Variants in AKAP19 observed in about 807,000 individuals in gnomAD.
AKAP19 encodes the protein small A-kinase anchoring protein.
At chr2:190,002,181 G>T in the AKAP19 span, among the ~76,000 whole-genome samples, 1 of 152,162 alleles carries the variant, frequency 6.6e-6, no homozygotes, top group East Asian at 1.9e-4. Flanking sequence ...ATATATAAAT[G>T]CTTCTTAGAC....
the AKAP19 span, among the ~76,000 whole-genome samples, chr2:190,148,953 CTTT>C: frequency 5.7e-4 from 77 of 134,008 alleles, no homozygotes; most frequent in African/African-American, 1.9e-3. Context: ...TCTTTTCTTT[CTTT>C]TTTTTTTTTT....
chr2:190,115,210 A>T, the AKAP19 span, among the ~76,000 whole-genome samples: 1 of 126,910 alleles, frequency 7.9e-6, no homozygotes, highest in Non-Finnish European at 1.6e-5. Context: ...AGAGAGACAG[A>T]GAGAGAAGGA....
At chr2:190,196,758 T>C in the AKAP19 span, among the ~76,000 whole-genome samples, 2 of 152,218 alleles carry the variant, frequency 1.3e-5, no homozygotes, top group African/African-American at 2.4e-5. Context: ...TTATTGGATA[T>C]AGCCATGCCC....
chr2:189,960,430 T>G, the AKAP19 span, among the ~76,000 whole-genome samples: 112 of 152,188 alleles, frequency 7.4e-4, 1 homozygote, highest in Non-Finnish European at 2.4e-4. Context: ...GCAAAGAGGA[T>G]GTAGTGAGCT....
chr2:189,977,680 C>T, the AKAP19 span, among the ~76,000 whole-genome samples: 1 of 152,230 alleles, frequency 6.6e-6, no homozygotes, highest in Non-Finnish European at 1.5e-5. Flanking sequence ...CAAGATGTAA[C>T]TGCTGGAGTG....
chr2:190,062,290 C>T, the AKAP19 span: 68 of 1,613,256 alleles, frequency 4.2e-5, no homozygotes, highest in African/African-American at 1.5e-4. Flanking sequence ...AAAGAGCCAT[C>T]GCTGCTGTCA....
chr2:190,079,859 GTGTGT>G, the AKAP19 span: 6 of 71,122 alleles, frequency 8.4e-5, no homozygotes, highest in African/African-American at 6.0e-4. Context: ...AATGAGGGGT[GTGTGT>G]GTGTGTGTGT....
At chr2:190,100,204 A>C in the AKAP19 span, among the ~76,000 whole-genome samples, 1 of 152,230 alleles carries the variant, frequency 6.6e-6, no homozygotes. Flanking sequence ...AAGAAGGTTT[A>C]TTAGTATCCC....
At chr2:190,135,860 A>G in the AKAP19 span, among the ~76,000 whole-genome samples, 1 of 152,214 alleles carries the variant, frequency 6.6e-6, no homozygotes, top group African/African-American at 2.4e-5. Context: ...GAAGATGCCA[A>G]TTTACTTGAA....
the AKAP19 span, among the ~76,000 whole-genome samples, chr2:189,995,208 G>A: frequency 6.6e-6 from 1 of 152,182 alleles, no homozygotes; most frequent in Non-Finnish European, 1.5e-5. Context: ...CCTGTCTAGT[G>A]CTGTCAGTGG....
chr2:190,039,195 C>T, the AKAP19 span, among the ~76,000 whole-genome samples: 1 of 152,022 alleles, frequency 6.6e-6, no homozygotes, highest in African/African-American at 2.4e-5. Context: ...TCTCCTGCCT[C>T]AGCCTCCTGA....
the AKAP19 span, among the ~76,000 whole-genome samples, chr2:190,163,455 C>CAAAAAAAAAA: frequency 7.3e-6 from 1 of 136,690 alleles, no homozygotes; most frequent in Non-Finnish European, 1.6e-5. Flanking sequence ...AAACAAAAAA[C>CAAAAAAAAAA]AAAAAAAAAA....
chr2:190,131,855 G>GTGA, the AKAP19 span, among the ~76,000 whole-genome samples: 4 of 152,156 alleles, frequency 2.6e-5, no homozygotes, highest in Non-Finnish European at 5.9e-5. Flanking sequence ...GAGGTGTTGA[G>GTGA]TGACTGTGAA....
At chr2:190,039,861 T>G in the AKAP19 span, among the ~76,000 whole-genome samples, 5 of 152,338 alleles carry the variant, frequency 3.3e-5, no homozygotes, top group African/African-American at 1.2e-4. Flanking sequence ...CTCGTTCTTT[T>G]TTATGGTCAC....
At chr2:190,187,798 G>A in the AKAP19 span, among the ~76,000 whole-genome samples, 1 of 152,188 alleles carries the variant, frequency 6.6e-6, no homozygotes, top group African/African-American at 2.4e-5. Flanking sequence ...AGGCTGCTGT[G>A]AGCCACAACT....
the AKAP19 span, among the ~76,000 whole-genome samples, chr2:190,001,769 C>G: frequency 6.6e-5 from 10 of 152,124 alleles, no homozygotes; most frequent in African/African-American, 1.9e-4. Flanking sequence ...TCCACAGGAC[C>G]CTTTTAGTCT....
At chr2:189,902,098 TAATA>T in the AKAP19 span, among the ~76,000 whole-genome samples, 38 of 152,182 alleles carry the variant, frequency 2.5e-4, no homozygotes, top group African/African-American at 8.2e-4. Context: ...TATTGCTATG[TAATA>T]AATTTTAATA....
the AKAP19 span, among the ~76,000 whole-genome samples, chr2:190,197,603 G>A: frequency 7.2e-5 from 11 of 152,120 alleles, no homozygotes; most frequent in East Asian, 1.9e-4. This position sits in a 1 kb window ranked among gnomAD's most constrained non-coding sequence, Gnocchi z 4.0. Flanking sequence ...CAACTCCCAC[G>A]GTAATGCTGG....
At chr2:190,074,519 C>T in the AKAP19 span, among the ~76,000 whole-genome samples, 1 of 151,694 alleles carries the variant, frequency 6.6e-6, no homozygotes, top group African/African-American at 2.4e-5. Flanking sequence ...GGCGTGGTGG[C>T]GCGTGCCTCT....
Sources: gnomAD v4.1 joint callset for allele counts (sites outside exome capture counted in the v4.1 genomes callset) on GRCh38, gnomAD v4.1.1 for gene constraint, Gnocchi (gnomAD v3.1) non-coding constraint, MANE v1.5 for transcripts, NCBI Gene and HGNC (gene_info 2026-07-23, HGNC 2026-07-21) for gene names.